EML5: variants seen among roughly 807,000 people sequenced by gnomAD.
The protein encoded by EML5 is EMAP like 5.
Under a neutral mutation model 250.0 loss-of-function variants are expected in EML5, and 120 were observed. That is an observed-to-expected ratio of 0.48 (90% CI 0.41 to 0.56). The LOEUF (loss-of-function observed/expected upper bound fraction) is 0.56. Among genes scored for constraint, EML5 ranks in the 20% least tolerant of loss-of-function variants. The pLI, the probability that EML5 is intolerant of heterozygous loss-of-function variation, is 0.00. For synonymous variants in EML5, 771 were observed against 806.5 expected (o/e 0.96, Z 0.75); for missense variants, 2,006 against 2,437.6 (o/e 0.82, Z 3.73).
chr14:88,786,664 C>T (rs2094554069), intron 1 of EML5, among the ~76,000 whole-genome samples: 1 of 152,224 alleles, frequency 6.6e-6, no homozygotes, highest in Middle Eastern at 3.4e-3. Flanking sequence ...GCAGTTTCCC[C>T]CACACTGTTC....
At chr14:88,618,621 C>CA in intron 40 of EML5, 29 bp downstream of exon 40, 2 of 1,582,922 alleles carry the variant, frequency 1.3e-6, no homozygotes, top group Non-Finnish European at 1.7e-6. Flanking sequence ...AAGAACTTGC[C>CA]ACCTGGGTAT....
Position 88,657,509 on chromosome 14 carries a change from T to C in EML5, c.3878-7A>G. ...GTAACATCACTGTCATAGCCTACAA[T>C]AAAAATATACGAGTAATTCTTTAAG... is the stretch of plus-strand genomic sequence containing the variant. On this transcript the variant is annotated splice_polypyrimidine_tract_variant and splice_region_variant and intron_variant, in intron 26 of 43. Transcript: ENST00000554922. 6.3e-7 allele frequency: 1 copy of C among 1,588,096 alleles called. No individual in the cohort carries two copies. The highest frequency in any genetic ancestry group is 8.6e-7 in the Non-Finnish European group (1 of 1,169,222).
chr14:88,658,782 C>G (rs2091963018), intron 25 of EML5, among the ~76,000 whole-genome samples: 1 of 151,538 alleles, frequency 6.6e-6, no homozygotes, highest in Non-Finnish European at 1.5e-5. Context: ...AATTAAATAC[C>G]TTAAATGTTC....
chr14:88,659,012 C>CT (rs1319403251), intron 25 of EML5, among the ~76,000 whole-genome samples: 5 of 151,680 alleles, frequency 3.3e-5, no homozygotes, highest in Admixed American at 6.6e-5. Context: ...TTCATTAGTG[C>CT]TTTTTTTTGT....
intron 36 of EML5, chr14:88,622,956 A>G: frequency 2.7e-6 from 1 of 373,326 alleles, no homozygotes; most frequent in Non-Finnish European, 4.8e-6. Flanking sequence ...TTTTTCTGAC[A>G]TGAGCATAAT....
chr14:88,694,619 T>C (rs1349303583), intron 16 of EML5, among the ~76,000 whole-genome samples: 2 of 152,192 alleles, frequency 1.3e-5, no homozygotes, highest in African/African-American at 2.4e-5. Flanking sequence ...TGGTCAAAAC[T>C]GAACTCCTTT....
chr14:88,792,675 A>C lies in EML5; in HGVS notation c.-172T>G. The C allele has an allele frequency of 8.8e-7, 1 of 1,139,302 alleles. No individual in the cohort carries two copies. Among genetic ancestry groups the C allele is most frequent in the South Asian group, 4.4e-5 (1 of 22,864 alleles). The allele number at this position is 1,139,302 out of a possible 1,614,324, so 70.6% of individuals were successfully genotyped here. A position where few individuals can be genotyped will look rare whatever the true frequency, so the allele number is the denominator to read the frequency against. On this transcript the variant is annotated 5_prime_UTR_variant, in exon 1 of 44. Coordinates refer to ENST00000554922, the MANE Select transcript of EML5 (RefSeq NM_183387.3). This position sits in a 1 kb window ranked among gnomAD's most constrained non-coding sequence, Gnocchi z 6.9. ...TCGGGGGCCGCCGCCGCCTCAGCCC[A>C]CAGGCGGGAGGAAAACCCTCGCCTC...
intron 1 of EML5, among the ~76,000 whole-genome samples, chr14:88,775,950 A>T (rs905348404): frequency 1.3e-5 from 2 of 151,756 alleles, no homozygotes; most frequent in African/African-American, 4.8e-5. Flanking sequence ...AGAAAGTAAG[A>T]GAAATGAGTA....
chr14:88,723,209 T>C (rs1816474010), intron 8 of EML5, among the ~76,000 whole-genome samples: 1 of 151,996 alleles, frequency 6.6e-6, no homozygotes, highest in South Asian at 2.1e-4. Flanking sequence ...GGCCAGGAGT[T>C]TGAGACAAGC....
intron 7 of EML5, among the ~76,000 whole-genome samples, chr14:88,727,038 T>TTTGTTG (rs74278116): frequency 0.015 from 2,235 of 151,348 alleles, 68 homozygotes; most frequent in African/African-American, 0.051. Context: ...CTGGCTATGT[T>TTTGTTG]TTGTTGTTGT....
intron 1 of EML5, among the ~76,000 whole-genome samples, chr14:88,784,906 G>GC (rs1481839587): frequency 1.3e-5 from 2 of 152,190 alleles, no homozygotes; most frequent in Non-Finnish European, 2.9e-5. Flanking sequence ...GTTTGTTGCA[G>GC]CACTGTTCAC....
chr14:88,646,193 T>C (rs372952433), intron 29 of EML5, among the ~76,000 whole-genome samples: 2 of 152,154 alleles, frequency 1.3e-5, no homozygotes, highest in East Asian at 1.9e-4. Flanking sequence ...AAAATATACT[T>C]GCATTTTCAA....
At chr14:88,644,751 C>T in intron 29 of EML5, 1 of 346,566 alleles carries the variant, frequency 2.9e-6, no homozygotes, top group Admixed American at 4.3e-5. Context: ...CACTCTGTCG[C>T]CCATGCTGGA....
Position 88,740,469 on chromosome 14 carries a change from A to T in EML5, c.629T>A (p.Leu210Ter), listed in dbSNP as rs1480424641. ...CCCATTGAGTGCACCAGAATATGTT[A>T]ATTCATCCCTTGCACAGGCTAGGCA... ...ILCLACARDE[L>*]TYSGALNGDI... Residue 210 changes from leucine to a stop codon, truncating the protein, a stop_gained, in exon 5 of 44, where the codon TTA becomes TAA. Transcript: ENST00000554922. LOFTEE classifies it high-confidence loss of function. The T allele has an allele frequency of 6.2e-7, 1 of 1,613,916 alleles. No homozygotes were observed. Among genetic ancestry groups the T allele is most frequent in the Admixed American group, 1.7e-5 (1 of 60,026 alleles).
At chr14:88,637,820 A>C (rs1281384373) in intron 32 of EML5, among the ~76,000 whole-genome samples, 1 of 152,202 alleles carries the variant, frequency 6.6e-6, no homozygotes, top group Non-Finnish European at 1.5e-5. Flanking sequence ...ATCTTAGCAC[A>C]AACAGAAGCT....
intron 17 of EML5, among the ~76,000 whole-genome samples, chr14:88,693,937 AT>A (rs546736691): frequency 2.4e-3 from 326 of 137,174 alleles, no homozygotes; most frequent in Middle Eastern, 7.7e-3. Context: ...TGCCCAGCTA[AT>A]TTTTTTTTTT....
At chr14:88,697,276 AG>A (rs1349972961) in intron 14 of EML5, among the ~76,000 whole-genome samples, 3 of 152,198 alleles carry the variant, frequency 2.0e-5, no homozygotes, top group Non-Finnish European at 4.4e-5. Flanking sequence ...TAAGACATTC[AG>A]GTAACTTTTG....
At position 88,702,410 on chromosome 14, in the gene EML5, A is replaced by T. The variant is rs551607839; in HGVS notation, c.2238+36T>A. On this transcript the variant is annotated intron_variant, in intron 14 of 43. Transcript: ENST00000554922. ...TTTATTTAAACTCAAACAAAGGTGT[A>T]GCTTATCTGGCTTATTGTCAGTCTT... 1.3e-4 allele frequency: 201 copies of T among 1,532,268 alleles called. 1 individual carries two copies. The South Asian group carries it at 2.5e-3, about 19-fold the overall frequency. 94.9% of individuals were successfully genotyped at this position (1,532,268 alleles called of 1,614,324 possible). A position where few individuals can be genotyped will look rare whatever the true frequency, so the allele number is the denominator to read the frequency against.
chr14:88,713,270 T>C (rs1020816175), intron 9 of EML5, among the ~76,000 whole-genome samples: 2 of 151,850 alleles, frequency 1.3e-5, no homozygotes, highest in South Asian at 4.2e-4. Context: ...TGGGCACCTG[T>C]AATCTCAGCT....
Sources: gnomAD v4.1 joint callset for allele counts (sites outside exome capture counted in the v4.1 genomes callset) on GRCh38, gnomAD v4.1.1 for gene constraint, Gnocchi (gnomAD v3.1) non-coding constraint, MANE v1.5 for transcripts, NCBI Gene and HGNC (gene_info 2026-07-23, HGNC 2026-07-21) for gene names.